HHAT: variants seen among roughly 807,000 people sequenced by gnomAD.
The protein encoded by HHAT is hedgehog acyltransferase.
A neutral mutation model predicts 70.8 loss-of-function variants in HHAT; 47 were observed. The ratio of observed to expected loss-of-function variants is 0.66; its 90% CI spans 0.53 to 0.85. The LOEUF is 0.85. Among genes scored for constraint, HHAT ranks in the 40% least tolerant of loss-of-function variants. HHAT has a pLI of 0.00. For missense variants in HHAT, 609 were observed against 604.8 expected (o/e 1.01, Z -0.07); for synonymous variants, 228 against 247.6 (o/e 0.92, Z 0.74).
chr1:210,610,158 G>A (rs1482808324), intron 10 of HHAT, among the ~76,000 whole-genome samples: 2 of 151,598 alleles, frequency 1.3e-5, no homozygotes, highest in Non-Finnish European at 3.0e-5. Context: ...GTTTTGTTTT[G>A]TTTTCTCTGC....
At chr1:210,629,095 A>C (rs1670390725) in intron 11 of HHAT, among the ~76,000 whole-genome samples, 2 of 152,226 alleles carry the variant, frequency 1.3e-5, no homozygotes, top group African/African-American at 4.8e-5. Flanking sequence ...CCTAAGGGTG[A>C]TGAGGTTGAC....
chr1:210,352,236 C>T (rs2087102337), intron 2 of HHAT, among the ~76,000 whole-genome samples: 1 of 152,196 alleles, frequency 6.6e-6, no homozygotes, highest in Admixed American at 6.5e-5. Flanking sequence ...CTTCTTTAAT[C>T]CTTAATGCCT....
intron 7 of HHAT, among the ~76,000 whole-genome samples, chr1:210,418,897 G>A (rs1255066341): frequency 6.6e-6 from 1 of 152,104 alleles, no homozygotes. Flanking sequence ...GCTGGGTGTG[G>A]TGAGAGACAC....
chr1:210,347,740 A>G (rs573370516), intron 1 of HHAT, among the ~76,000 whole-genome samples: 3 of 152,220 alleles, frequency 2.0e-5, no homozygotes, highest in South Asian at 4.1e-4. Flanking sequence ...AGTCTGGGGC[A>G]CTTTGGGGCT....
intron 9 of HHAT, among the ~76,000 whole-genome samples, chr1:210,587,488 G>C (rs568947101): frequency 2.1e-4 from 32 of 152,164 alleles, no homozygotes; most frequent in Non-Finnish European, 4.7e-4. Context: ...TTCAAGATGA[G>C]ATTTGGGTGG....
At chr1:210,490,540 A>G (rs933150771) in intron 8 of HHAT, among the ~76,000 whole-genome samples, 2 of 152,340 alleles carry the variant, frequency 1.3e-5, no homozygotes, top group Middle Eastern at 3.4e-3. Context: ...TGTTCACCCA[A>G]GAGGTGATAC....
chr1:210,443,245 T>C (rs570206771), intron 7 of HHAT, among the ~76,000 whole-genome samples: 7 of 142,004 alleles, frequency 4.9e-5, no homozygotes, highest in African/African-American at 1.2e-4. Flanking sequence ...TTGGTTACTG[T>C]AGCCTTGTAG....
intron 4 of HHAT, among the ~76,000 whole-genome samples, chr1:210,391,839 G>C (rs1264079084): frequency 6.6e-6 from 1 of 152,020 alleles, no homozygotes; most frequent in African/African-American, 2.4e-5. Flanking sequence ...CCAAAGAGGG[G>C]CCTACCCTAC....
At chr1:210,578,119 C>T (rs1289303429) in intron 9 of HHAT, among the ~76,000 whole-genome samples, 1 of 152,010 alleles carries the variant, frequency 6.6e-6, no homozygotes, top group Non-Finnish European at 1.5e-5. Flanking sequence ...GACATCAGGT[C>T]CTGGACTTTT....
chr1:210,548,975 T>A (rs974549433), intron 9 of HHAT, among the ~76,000 whole-genome samples: 1 of 152,218 alleles, frequency 6.6e-6, no homozygotes, highest in Non-Finnish European at 1.5e-5. Flanking sequence ...AGGGCAGGGC[T>A]TCTCAGATGG....
intron 9 of HHAT, among the ~76,000 whole-genome samples, chr1:210,541,163 AAAT>A (rs1214065435): frequency 5.0e-5 from 7 of 140,490 alleles, no homozygotes; most frequent in African/African-American, 1.5e-4. Context: ...TTAAATGAAA[AAAT>A]ATAAGACAAT....
At chr1:210,647,518 G>A (rs1461851054) in intron 11 of HHAT, among the ~76,000 whole-genome samples, 2 of 152,134 alleles carry the variant, frequency 1.3e-5, no homozygotes, top group Non-Finnish European at 2.9e-5. Context: ...GCACGTTAGG[G>A]GGAGTTGCCT....
At chr1:210,567,129 C>T (rs551734099) in intron 9 of HHAT, among the ~76,000 whole-genome samples, 2 of 152,196 alleles carry the variant, frequency 1.3e-5, no homozygotes, top group South Asian at 4.1e-4. Context: ...TGTTGCACAT[C>T]CTGTGAGGGG....
chr1:210,409,028 A>T (rs1325915138), intron 6 of HHAT, among the ~76,000 whole-genome samples: 1 of 152,004 alleles, frequency 6.6e-6, no homozygotes, highest in Non-Finnish European at 1.5e-5. Flanking sequence ...CACCTGGCTA[A>T]TTTTTTAAAA....
Position 210,674,330 on chromosome 1 carries a change from G to A in HHAT, c.1433G>A (p.Cys478Tyr). The A allele has an allele frequency of 3.1e-6, 5 of 1,614,148 alleles. No individual in the cohort carries two copies. Among genetic ancestry groups the A allele is most frequent in the Non-Finnish European group, 4.2e-6 (5 of 1,179,998 alleles). The change falls in exon 12 of 12, where the codon TGC becomes TAC. Residue 478 changes from cysteine (C) to tyrosine (Y), a missense_variant. Transcript: ENST00000261458. ...VTLSVLGFLYCYSHVGIAWAQ... is the reference protein window; with the variant it reads ...VTLSVLGFLYYYSHVGIAWAQ... ...CTCTCTGTCCTGGGATTCCTGTACTGCTACTCCCACGTGGGCATTGCCTGG... is the reference window on the plus strand; with the variant it reads ...CTCTCTGTCCTGGGATTCCTGTACTACTACTCCCACGTGGGCATTGCCTGG...
Position 210,571,644 on chromosome 1 carries a change from C to T in HHAT, c.1044-16254C>T, listed in dbSNP as rs1050691362. On this transcript the variant is annotated intron_variant, in intron 9 of 11. Transcript: ENST00000261458. ...CTTCGAGCCGTGAAACTTCTTTTCT[C>T]ATCTTGACTCCACTTGAGAGGGAGC... 5.0e-4 allele frequency among the ~76,000 whole-genome samples: 76 copies of T among 152,276 alleles called. 1 individual carries two copies. The highest frequency in any genetic ancestry group is 1.7e-3 in the African/African-American group (72 of 41,556).
chr1:210,450,501 A>T (rs12568897), intron 7 of HHAT, among the ~76,000 whole-genome samples: 58,753 of 151,524 alleles, frequency 0.39, 11,741 homozygotes, highest in Admixed American at 0.5. Flanking sequence ...CTTATTTTTA[A>T]AAAAATTTTT....
intron 9 of HHAT, among the ~76,000 whole-genome samples, chr1:210,573,695 C>T (rs1255767953): frequency 6.6e-6 from 1 of 152,174 alleles, no homozygotes; most frequent in Non-Finnish European, 1.5e-5. Context: ...CCCCATCAGT[C>T]CCCGCCAGCT....
intron 3 of HHAT, among the ~76,000 whole-genome samples, chr1:210,385,954 T>A (rs2091011530): frequency 6.6e-6 from 1 of 152,138 alleles, no homozygotes; most frequent in Non-Finnish European, 1.5e-5. Flanking sequence ...AGTGTGTGAG[T>A]AGATCTGGGC....
Sources: gnomAD v4.1 joint callset for allele counts (sites outside exome capture counted in the v4.1 genomes callset) on GRCh38, gnomAD v4.1.1 for gene constraint, MANE v1.5 for transcripts, NCBI Gene and HGNC (gene_info 2026-07-23, HGNC 2026-07-21) for gene names.